TFCP2: variants seen among roughly 807,000 people sequenced by gnomAD.
TFCP2 encodes the protein transcription factor CP2, also known as alpha-globin transcription factor CP2.
A neutral mutation model predicts 73.4 loss-of-function variants in TFCP2; 33 were observed. That is an observed-to-expected ratio of 0.45 (90% CI 0.34 to 0.60). The LOEUF (loss-of-function observed/expected upper bound fraction) is 0.60, where lower values mean the gene tolerates loss of function less well. Ranked by LOEUF, TFCP2 falls within the 20% of genes least tolerant of loss-of-function variation. The pLI is 0.01. For synonymous variants in TFCP2, 193 were observed against 211.6 expected (o/e 0.91, Z 0.76); for missense variants, 352 against 604.0 (o/e 0.58, Z 4.37).
intron 1 of TFCP2, among the ~76,000 whole-genome samples, chr12:51,172,047 A>G (rs1941873803): frequency 6.6e-6 from 1 of 152,132 alleles, no homozygotes; most frequent in African/African-American, 2.4e-5. Flanking sequence ...GCCTCTCAAC[A>G]TTCATCTGGT....
rs1236990656 is a variant in TFCP2 at position 51,094,552 on chromosome 12, A to T, written c.*689T>A. The T allele has an allele frequency of 6.6e-6, 1 of 152,276 alleles. No homozygotes were observed. The highest frequency in any genetic ancestry group is 1.9e-4 in the East Asian group (1 of 5,196). The allele number at this position is 152,276 out of a possible 1,614,324, so 9.4% of individuals were successfully genotyped here. The stretch of plus-strand genomic sequence containing the variant: ...GCTCCTGGCACCTAGCAAGCTACTT[A>T]GCCACTGTGTGTCTCCATTTCCTCA... On this transcript the variant is annotated 3_prime_UTR_variant, in exon 15 of 15. Coordinates refer to ENST00000257915, the MANE Select transcript of TFCP2 (RefSeq NM_005653.5).
At chr12:51,154,943 G>C (rs1356014057) in intron 1 of TFCP2, among the ~76,000 whole-genome samples, 1 of 152,186 alleles carries the variant, frequency 6.6e-6, no homozygotes, top group Non-Finnish European at 1.5e-5. Flanking sequence ...ATTTCTGACT[G>C]TATCTGTGAG....
chr12:51,121,059 A>G (rs1050076659), intron 1 of TFCP2, among the ~76,000 whole-genome samples: 4 of 152,054 alleles, frequency 2.6e-5, no homozygotes, highest in Non-Finnish European at 5.9e-5. Context: ...AAAAATATAT[A>G]TAGGCCACAG....
At chr12:51,098,981 A>T in intron 12 of TFCP2, 63 bp from the exon 13 acceptor site, 2 of 1,549,492 alleles carry the variant, frequency 1.3e-6, no homozygotes, top group Non-Finnish European at 1.8e-6. Context: ...AGGTAACTTG[A>T]TCACTAGGAA....
Position 51,098,829 on chromosome 12 carries a change from T to C in TFCP2, c.1366A>G (p.Ser456Gly). The C allele has an allele frequency of 6.2e-7, 1 of 1,614,168 alleles. No individual in the cohort carries two copies. Among genetic ancestry groups the C allele is most frequent in the African/African-American group, 1.3e-5 (1 of 75,038 alleles). The change falls in exon 13 of 15, where the codon AGC becomes GGC. Residue 456 changes from serine (S) to glycine (G), a missense_variant. Physicochemically the swap from Ser to Gly is moderately conservative, Grantham distance 56 (BLOSUM62 0). This residue lies in a region of TFCP2 where 194 missense variants were observed against 256.3 expected (regional missense o/e 0.76). Transcript: ENST00000257915. ...GTTGGCCCCTGCTTGTAAATCTGGCTGATCTGGCAAGGGGAAATGCTGAAA... is the reference window on the plus strand; with the variant it reads ...GTTGGCCCCTGCTTGTAAATCTGGCCGATCTGGCAAGGGGAAATGCTGAAA... ...QLFSISPCQISQIYKQGPTGI... is the reference protein window; with the variant it reads ...QLFSISPCQIGQIYKQGPTGI...
At chr12:51,100,563 C>A (rs1398102624) in intron 11 of TFCP2, among the ~76,000 whole-genome samples, 1 of 152,166 alleles carries the variant, frequency 6.6e-6, no homozygotes, top group Non-Finnish European at 1.5e-5. Flanking sequence ...CATCTGTAAT[C>A]CCAGCACTTT....
chr12:51,095,928 T>G, intron 14 of TFCP2, 61 bp downstream of exon 14: 1 of 1,365,440 alleles, frequency 7.3e-7, no homozygotes, highest in Non-Finnish European at 1.0e-6. Context: ...AAGTATGTAC[T>G]TTGCCTAGTA....
At chr12:51,107,004 A>T in intron 7 of TFCP2, 1 of 572,992 alleles carries the variant, frequency 1.7e-6, no homozygotes, top group South Asian at 2.2e-5. Flanking sequence ...TCCTGCAGCA[A>T]ACCAAACCAA....
chr12:51,152,946 C>A (rs896006606), intron 1 of TFCP2, among the ~76,000 whole-genome samples: 1 of 152,244 alleles, frequency 6.6e-6, no homozygotes, highest in Admixed American at 6.5e-5. Flanking sequence ...CTTATAGCCA[C>A]TGAACAGTAA....
intron 12 of TFCP2, 108 bp from the exon 13 acceptor site, chr12:51,099,026 G>T: frequency 8.2e-7 from 1 of 1,226,974 alleles, no homozygotes; most frequent in Non-Finnish European, 1.1e-6. Context: ...AAATCACACT[G>T]CCTAAGTTCA....
chr12:51,158,787 C>T (rs753769342), intron 1 of TFCP2, among the ~76,000 whole-genome samples: 9 of 151,426 alleles, frequency 5.9e-5, no homozygotes, highest in Non-Finnish European at 1.3e-4. Flanking sequence ...CCACACCCAG[C>T]CCCTAGTCAT....
At chr12:51,108,477 A>G (rs1212656500) in intron 6 of TFCP2, among the ~76,000 whole-genome samples, 2 of 152,050 alleles carry the variant, frequency 1.3e-5, no homozygotes, top group Non-Finnish European at 2.9e-5. Context: ...TGTGATAAAA[A>G]TAAACAGGAC....
At chr12:51,098,995 C>G (rs1040784396) in intron 12 of TFCP2, 77 bp from the exon 13 acceptor site, 1 of 1,490,322 alleles carries the variant, frequency 6.7e-7, no homozygotes, top group Non-Finnish European at 9.1e-7. Flanking sequence ...CTAGGAATGC[C>G]CACTTTTCTG....
At chr12:51,161,679 C>CAAA (rs148272600) in intron 1 of TFCP2, among the ~76,000 whole-genome samples, 3 of 127,784 alleles carry the variant, frequency 2.3e-5, no homozygotes, top group Non-Finnish European at 3.2e-5. Flanking sequence ...GACTCTGTCT[C>CAAA]AAAAAAAATA....
At chr12:51,120,072 G>C (rs1009826767) in intron 1 of TFCP2, among the ~76,000 whole-genome samples, 1 of 149,912 alleles carries the variant, frequency 6.7e-6, no homozygotes, top group African/African-American at 2.5e-5. Flanking sequence ...CCAGATACTT[G>C]GGAGGCTGAG....
intron 11 of TFCP2, 59 bp downstream of exon 11, chr12:51,101,876 C>T: frequency 8.9e-7 from 1 of 1,126,738 alleles, no homozygotes; most frequent in South Asian, 1.2e-5. Context: ...TGAAGAATTC[C>T]TGAATCCAAA....
intron 14 of TFCP2, 90 bp from the exon 15 acceptor site, chr12:51,095,368 G>T: frequency 7.3e-7 from 1 of 1,378,332 alleles, no homozygotes; most frequent in Non-Finnish European, 1.0e-6. Flanking sequence ...CTCGTGAGAA[G>T]GGGAGAAAAG....
intron 1 of TFCP2, among the ~76,000 whole-genome samples, chr12:51,122,077 T>C (rs909094138): frequency 5.9e-5 from 9 of 152,032 alleles, no homozygotes; most frequent in Admixed American, 5.2e-4. Context: ...GTTCTGATTA[T>C]TGACTTCACA....
At position 51,106,586 on chromosome 12, in the gene TFCP2, C is replaced by T. The variant is rs1226749128; in HGVS notation, c.856G>A (p.Val286Ile). 3 of 1,613,476 alleles carry T rather than the reference C, an allele frequency of 1.9e-6. No homozygotes were observed. The African/African-American group carries it at 4.0e-5, about 22-fold the overall frequency. ...ECSPWPEITYVNNSPSPGFNS... is the reference protein window; with the variant it reads ...ECSPWPEITYINNSPSPGFNS... ...AAGCCAGGTGATGGGGAGTTATTGA[C>T]ATACGTGATCTCGGGCCATGGAGAA... The change falls in exon 8 of 15, where the codon GTC becomes ATC. Residue 286 changes from valine (V) to isoleucine (I), a missense_variant. Physicochemically the swap from Val to Ile is conservative, Grantham distance 29. Transcript: ENST00000257915.
Sources: gnomAD v4.1 joint callset for allele counts (sites outside exome capture counted in the v4.1 genomes callset) on GRCh38, gnomAD v4.1.1 for gene constraint, gnomAD v4.1.1 regional missense constraint, MANE v1.5 for transcripts, NCBI Gene and HGNC (gene_info 2026-07-23, HGNC 2026-07-21) for gene names.